PDE1A: variants seen among roughly 807,000 people sequenced by gnomAD.
PDE1A encodes the protein phosphodiesterase 1A.
PDE1A carries 35 observed loss-of-function variants against 61.7 expected under a neutral mutation model. That is an observed-to-expected ratio of 0.57 (90% CI 0.43 to 0.75). The LOEUF (loss-of-function observed/expected upper bound fraction) is 0.75. PDE1A is among the 30% of genes least tolerant of loss of function. The pLI is 0.00. For missense variants in PDE1A, 597 were observed against 630.6 expected (o/e 0.95, Z 0.57); for synonymous variants, 232 against 213.2 (o/e 1.09, Z -0.77).
the PDE1A span, among the ~76,000 whole-genome samples, chr2:182,708,603 T>C: frequency 6.6e-6 from 1 of 152,080 alleles, no homozygotes; most frequent in Non-Finnish European, 1.5e-5. Context: ...CCATCAGATC[T>C]CTGAGAACTC....
chr2:182,390,796 G>T (rs1179285674), intron 1 of PDE1A, among the ~76,000 whole-genome samples: 1 of 152,208 alleles, frequency 6.6e-6, no homozygotes. Context: ...TGAGGCTGGA[G>T]CCACTGTGCC....
At chr2:182,221,453 T>A (rs1306359615) in intron 7 of PDE1A, among the ~76,000 whole-genome samples, 3 of 152,086 alleles carry the variant, frequency 2.0e-5, no homozygotes, top group African/African-American at 7.2e-5. Context: ...TAGTCTTGTT[T>A]TCCTTTGACA....
chr2:182,332,921 G>A (rs920611280), intron 1 of PDE1A, among the ~76,000 whole-genome samples: 13 of 152,172 alleles, frequency 8.5e-5, no homozygotes, highest in African/African-American at 2.7e-4. Flanking sequence ...AAAAAGCAGG[G>A]ATTGCAATCC....
intron 10 of PDE1A, among the ~76,000 whole-genome samples, chr2:182,197,430 T>C (rs1219885966): frequency 6.6e-6 from 1 of 151,662 alleles, no homozygotes; most frequent in Non-Finnish European, 1.5e-5. Flanking sequence ...TTTTTTTTCT[T>C]TTATGGGTAA....
chr2:182,490,252 T>A (rs891359145), intron 2 of PDE1A, among the ~76,000 whole-genome samples: 1 of 152,164 alleles, frequency 6.6e-6, no homozygotes, highest in African/African-American at 2.4e-5. Flanking sequence ...GGATTCAACA[T>A]CAGATGGAAG....
the PDE1A span, among the ~76,000 whole-genome samples, chr2:182,574,822 C>G: frequency 6.6e-6 from 1 of 152,162 alleles, no homozygotes; most frequent in Non-Finnish European, 1.5e-5. Flanking sequence ...TCCCAAGTAG[C>G]TGGGACTACA....
At chr2:182,480,687 T>C (rs2125842709) in intron 2 of PDE1A, among the ~76,000 whole-genome samples, 1 of 152,086 alleles carries the variant, frequency 6.6e-6, no homozygotes, top group Admixed American at 6.6e-5. Flanking sequence ...ATGCAAATAC[T>C]ATGACACTTT....
exon 15 of PDE1A, chr2:182,140,410 T>C (rs1559108935): frequency 6.6e-6 from 1 of 152,212 alleles, no homozygotes; most frequent in Non-Finnish European, 1.5e-5. Flanking sequence ...CTCCTTTGGG[T>C]TTCCCCCAAT....
At chr2:182,248,067 C>T (rs1691113739) in intron 2 of PDE1A, among the ~76,000 whole-genome samples, 1 of 151,932 alleles carries the variant, frequency 6.6e-6, no homozygotes, top group African/African-American at 2.4e-5. Context: ...ACCAGCCTGG[C>T]CAACATGGTG....
At chr2:182,491,974 C>T (rs1360461213) in intron 2 of PDE1A, among the ~76,000 whole-genome samples, 1 of 152,054 alleles carries the variant, frequency 6.6e-6, no homozygotes, top group Non-Finnish European at 1.5e-5. Context: ...TATGTTCGGC[C>T]CATTAAACTC....
the PDE1A span, among the ~76,000 whole-genome samples, chr2:182,579,827 AT>A: frequency 1.3e-5 from 2 of 152,222 alleles, no homozygotes; most frequent in Non-Finnish European, 2.9e-5. Context: ...AAGAATGATC[AT>A]TATAGGACTA....
At chr2:182,707,771 T>C in the PDE1A span, among the ~76,000 whole-genome samples, 1 of 152,284 alleles carries the variant, frequency 6.6e-6, no homozygotes, top group East Asian at 1.9e-4. Context: ...TCCTGACTTA[T>C]TTTATGAGTC....
the PDE1A span, among the ~76,000 whole-genome samples, chr2:182,693,251 T>C: frequency 6.6e-6 from 1 of 152,204 alleles, no homozygotes; most frequent in African/African-American, 2.4e-5. Flanking sequence ...AGTATCAATT[T>C]TGGTCACTTA....
the PDE1A span, among the ~76,000 whole-genome samples, chr2:182,571,813 C>T: frequency 6.6e-6 from 1 of 152,074 alleles, no homozygotes; most frequent in Non-Finnish European, 1.5e-5. Context: ...TATCATGATC[C>T]ATTATGCCAG....
chr2:182,168,519 A>G (rs1691817170), intron 13 of PDE1A, among the ~76,000 whole-genome samples: 1 of 152,000 alleles, frequency 6.6e-6, no homozygotes, highest in Non-Finnish European at 1.5e-5. Context: ...TCTTAAGATG[A>G]TTCATTTTTC....
chr2:182,222,758 T>C (rs1258346437), intron 7 of PDE1A, among the ~76,000 whole-genome samples: 3 of 152,000 alleles, frequency 2.0e-5, no homozygotes, highest in Non-Finnish European at 4.4e-5. Context: ...GATCTAATCT[T>C]TCCTCAACAA....
At chr2:182,619,913 A>T in the PDE1A span, among the ~76,000 whole-genome samples, 1 of 152,192 alleles carries the variant, frequency 6.6e-6, no homozygotes, top group Non-Finnish European at 1.5e-5. Flanking sequence ...GCAAGAGAAC[A>T]CACTGGGGAG....
chr2:182,210,665 A>G (rs373260237), intron 7 of PDE1A, among the ~76,000 whole-genome samples: 8 of 152,226 alleles, frequency 5.3e-5, no homozygotes, highest in African/African-American at 1.9e-4. Flanking sequence ...ATGAAATCCA[A>G]CTTATCAATT....
At chr2:182,225,091 G>A (rs977726099) in intron 6 of PDE1A, among the ~76,000 whole-genome samples, 6 of 151,958 alleles carry the variant, frequency 3.9e-5, no homozygotes, top group African/African-American at 7.2e-5. Flanking sequence ...TAGAGAGAAA[G>A]GCTAATTGGT....
Sources: allele counts gnomAD v4.1 joint callset (sites outside exome capture counted in the v4.1 genomes callset), GRCh38; gene constraint gnomAD v4.1.1; transcripts MANE v1.5; gene names NCBI Gene and HGNC (gene_info 2026-07-23, HGNC 2026-07-21).